The following PSG2 variants were observed in gnomAD, a reference collection of about 807,000 sequenced individuals.
The protein encoded by PSG2 is pregnancy-specific beta-1-glycoprotein 2.
Under a neutral mutation model 36.2 loss-of-function variants are expected in PSG2, and 49 were observed. The ratio of observed to expected loss-of-function variants is 1.35; its 90% CI spans 1.08 to 1.72. PSG2 has a LOEUF of 1.72. Ranked by LOEUF, PSG2 falls within the 40% of genes most tolerant of loss-of-function variation. The pLI is 0.00. For synonymous variants in PSG2, 261 were observed against 155.6 expected, an observed-to-expected ratio of 1.68 and a Z score of -5.04; for missense variants, 605 against 407.2, an observed-to-expected ratio of 1.49 and a Z score of -4.18.
chr19:43,082,280 A>G, intron 1 of PSG2: 1 of 601,200 alleles, frequency 1.7e-6, no homozygotes, highest in Non-Finnish European at 2.7e-6. Context: ...AGCTGGAATT[A>G]CAGGAACACA....
Position 43,071,821 on chromosome 19 carries a change from T to G in PSG2, c.843A>C (p.Gln281His), listed in dbSNP as rs760983600. Residue 281 changes from glutamine (Q) to histidine (H), a missense_variant, in exon 4 of 6, where the codon CAA becomes CAC. Physicochemically the swap from Gln to His is conservative, Grantham distance 24. Coordinates refer to ENST00000406487, the MANE Select transcript of PSG2 (RefSeq NM_031246.4). ...GGGGGATAAACAGATTTTGTCCTGA[T>G]TGCTGAAACTTCCCATTAATTGTCC... ...YSWTINGKFQ[Q>H]SGQNLFIPQI... The G allele has an allele frequency of 1.2e-6, 2 of 1,613,162 alleles. No individual in the cohort carries two copies. The highest frequency in any genetic ancestry group is 3.3e-5 in the Admixed American group (2 of 59,966).
At chr19:43,077,981 A>G (rs1350880623) in intron 2 of PSG2, among the ~76,000 whole-genome samples, 2 of 151,692 alleles carry the variant, frequency 1.3e-5, no homozygotes, top group East Asian at 1.9e-4. Context: ...TGTGAGCTCT[A>G]TAGCAGGTTG....
At position 43,071,809 on chromosome 19, in the gene PSG2, A is replaced by AT; in HGVS notation, c.854dup (p.Asn285LysfsTer12). The AT allele has an allele frequency of 6.2e-7, 1 of 1,613,038 alleles. No individual in the cohort carries two copies. The highest frequency in any genetic ancestry group is 8.5e-7 in the Non-Finnish European group (1 of 1,179,586). ...TTGTAGTAATTTGGGGGATAAACAG[A>AT]TTTTGTCCTGATTGCTGAAACTTCC... On this transcript the variant is annotated frameshift_variant, in exon 4 of 6. Coordinates refer to ENST00000406487, the MANE Select transcript of PSG2 (RefSeq NM_031246.4). LOFTEE classifies it high-confidence loss of function.
At chr19:43,066,910 C>G (rs148842455) in intron 4 of PSG2, among the ~76,000 whole-genome samples, 1 of 151,374 alleles carries the variant, frequency 6.6e-6, no homozygotes, top group East Asian at 1.9e-4. Context: ...TTCACCTTTT[C>G]ATGGTTGCAT....
intron 2 of PSG2, among the ~76,000 whole-genome samples, chr19:43,076,065 A>C (rs115905789): frequency 0.02 from 3,088 of 151,766 alleles, 140 homozygotes; most frequent in East Asian, 0.095. Context: ...AGGACATCCA[A>C]GAGATGAATG....
In PSG2 at chr19:43,075,366, G is replaced by C. The variant is rs749570290; in HGVS notation, c.697C>G (p.Leu233Val). 2 of 1,613,160 alleles carry C rather than the reference G, an allele frequency of 1.2e-6. No individual in the cohort carries two copies. Among genetic ancestry groups the C allele is most frequent in the South Asian group, 1.1e-5 (1 of 91,050 alleles). The change falls in exon 3 of 6, where the codon CTG becomes GTG. Residue 233 changes from leucine to valine, a missense_variant. Leu to Val is a conservative substitution (Grantham distance 32). Transcript: ENST00000406487. Reference sequence around the variant, plus strand: ...AGAAGATACTCACGGAGGAGATTCAGGGTGACTGGGTCACTGCGGCTGGCA... The same window carrying C: ...AGAAGATACTCACGGAGGAGATTCACGGTGACTGGGTCACTGCGGCTGGCA... ...GSASRSDPVT[L>V]NLLHGPDLPR...
chr19:43,066,430 C>G (rs1967739911), intron 5 of PSG2, 87 bp downstream of exon 5: 1 of 975,656 alleles, frequency 1.0e-6, no homozygotes, highest in African/African-American at 1.6e-5. Flanking sequence ...AGATGCAGTC[C>G]CAGATACAGG....
At chr19:43,080,615 C>A (rs1207152151) in intron 2 of PSG2, among the ~76,000 whole-genome samples, 1 of 151,610 alleles carries the variant, frequency 6.6e-6, no homozygotes, top group Non-Finnish European at 1.5e-5. Flanking sequence ...AGGTGCTTGG[C>A]TGAGACTGAT....
Position 43,076,406 on chromosome 19 carries a change from G to A in PSG2, c.431-774C>T, listed in dbSNP as rs534142077. Among the ~76,000 whole-genome samples, 40 of 151,910 alleles carry A rather than the reference G, an allele frequency of 2.6e-4. 1 individual carries two copies. The highest frequency in any genetic ancestry group is 9.2e-4 in the African/African-American group (38 of 41,250). Reference sequence around the variant, plus strand: ...CCCCCTGTAGAGGGCAGGTGAGGACGATGTGGACCTTTCTAGAAATACATG... The same window carrying A: ...CCCCCTGTAGAGGGCAGGTGAGGACAATGTGGACCTTTCTAGAAATACATG... On this transcript the variant is annotated intron_variant, in intron 2 of 5. Transcript: ENST00000406487.
intron 3 of PSG2, chr19:43,072,730 T>G: frequency 6.5e-7 from 1 of 1,547,700 alleles, no homozygotes; most frequent in Non-Finnish European, 8.7e-7. Flanking sequence ...TCAGCCCACC[T>G]GAGTCCTTGA....
At chr19:43,075,310 T>C in intron 3 of PSG2, 44 bp downstream of exon 3, 1 of 1,613,028 alleles carries the variant, frequency 6.2e-7, no homozygotes, top group Non-Finnish European at 8.5e-7. Context: ...GCCATGTGTA[T>C]TTGGGATGGC....
chr19:43,072,098 C>A, intron 3 of PSG2, 144 bp from the exon 4 acceptor site: 1 of 1,392,990 alleles, frequency 7.2e-7, no homozygotes, highest in Non-Finnish European at 9.7e-7. Flanking sequence ...CTGAGCCGAA[C>A]CCTGAAGTAT....
Position 43,065,037 on chromosome 19 carries a change from G to A in PSG2, c.*41-436C>T, listed in dbSNP as rs914338049. On this transcript the variant is annotated intron_variant, in intron 5 of 5. Transcript: ENST00000406487. ...TTTTTAGTAGAGATGGGGTTTCACC[G>A]TGTTAACCAGGATGGTCTCGATCTC... Among the ~76,000 whole-genome samples, 36 of 151,554 alleles carry A rather than the reference G, an allele frequency of 2.4e-4. 3 individuals carry two copies. Among genetic ancestry groups the A allele is most frequent in the African/African-American group, 8.8e-4 (36 of 41,008 alleles).
intron 4 of PSG2, among the ~76,000 whole-genome samples, chr19:43,071,038 G>T (rs1159672411): frequency 1.3e-5 from 2 of 151,588 alleles, no homozygotes; most frequent in African/African-American, 4.9e-5. Context: ...CCAGGCTTAG[G>T]AGTCTGCCCT....
intron 3 of PSG2, among the ~76,000 whole-genome samples, chr19:43,075,139 C>A (rs1171849268): frequency 1.3e-5 from 2 of 151,732 alleles, no homozygotes; most frequent in African/African-American, 4.9e-5. Flanking sequence ...AGCTGTGGAC[C>A]CTGAGTCTCC....
Position 43,081,208 on chromosome 19 carries a change from G to C in PSG2, c.103C>G (p.Gln35Glu), listed in dbSNP as rs752887639. ...GGTGGCTGGGCTTCAATCGTGACTT[G>C]GGCAGTGGTGGGCAGGTTCCAGAAG... ...LNFWNLPTTA[Q>E]VTIEAQPPKV... The change falls in exon 2 of 6, where the codon CAA becomes GAA. Residue 35 changes from glutamine to glutamate, a missense_variant. Gln to Glu is a conservative substitution (Grantham distance 29). Transcript: ENST00000406487. 1.2e-6 allele frequency: 2 copies of C among 1,612,534 alleles called. No individual in the cohort carries two copies. Among genetic ancestry groups the C allele is most frequent in the South Asian group, 2.2e-5 (2 of 91,026 alleles).
chr19:43,079,335 G>C (rs575232257), intron 2 of PSG2, among the ~76,000 whole-genome samples: 16 of 151,438 alleles, frequency 1.1e-4, no homozygotes, highest in African/African-American at 3.9e-4. Flanking sequence ...GTTACATGAG[G>C]TGGGGTTGCT....
chr19:43,066,640 G>T, intron 4 of PSG2, 40 bp from the exon 5 acceptor site: 1 of 1,544,496 alleles, frequency 6.5e-7, no homozygotes, highest in Non-Finnish European at 8.9e-7. Flanking sequence ...TGAAGGTGAT[G>T]TTATTTTACA....
At position 43,079,114 on chromosome 19, in the gene PSG2, A is replaced by G. The variant is rs546535194; in HGVS notation, c.430+1767T>C. On this transcript the variant is annotated intron_variant, in intron 2 of 5. Transcript: ENST00000406487. Reference sequence around the variant, plus strand: ...AGTGTCTGGGGAAGGCCTAGGTGTGAGGGAAGAAGCTGTGCAGGACAGGGC... The same window carrying G: ...AGTGTCTGGGGAAGGCCTAGGTGTGGGGGAAGAAGCTGTGCAGGACAGGGC... 9.9e-5 allele frequency among the ~76,000 whole-genome samples: 15 copies of G among 151,734 alleles called. 1 individual carries two copies. In the East Asian group the frequency reaches 1.2e-3, roughly 12 times the overall value.
Sources: allele counts gnomAD v4.1 joint callset (sites outside exome capture counted in the v4.1 genomes callset), GRCh38; gene constraint gnomAD v4.1.1; transcripts MANE v1.5; gene names NCBI Gene and HGNC (gene_info 2026-07-23, HGNC 2026-07-21).